The following CNTNAP4 variants were observed in gnomAD, a reference collection of about 807,000 sequenced individuals.
CNTNAP4 encodes the protein contactin associated protein family member 4.
Under a neutral mutation model 148.4 loss-of-function variants are expected in CNTNAP4, and 98 were observed. That is an observed-to-expected ratio of 0.66 (90% CI 0.56 to 0.78). CNTNAP4 has a LOEUF of 0.78. CNTNAP4 is among the 30% of genes least tolerant of loss of function. CNTNAP4 has a pLI of 0.00. For missense variants in CNTNAP4, 1,935 were observed against 1,565.6 expected, an observed-to-expected ratio of 1.24 and a Z score of -3.98; for synonymous variants, 730 against 565.1, an observed-to-expected ratio of 1.29 and a Z score of -4.14.
chr16:76,333,290 G>A (rs1368640568), intron 2 of CNTNAP4, among the ~76,000 whole-genome samples: 1 of 152,036 alleles, frequency 6.6e-6, no homozygotes, highest in South Asian at 2.1e-4. Flanking sequence ...TATGTACTAC[G>A]CTTTCTGTTT....
At chr16:76,315,047 C>G (rs553008769) in intron 1 of CNTNAP4, among the ~76,000 whole-genome samples, 2 of 151,928 alleles carry the variant, frequency 1.3e-5, no homozygotes, top group African/African-American at 4.8e-5. Context: ...TCAAAAATGT[C>G]GCTTCTAAGA....
intron 17 of CNTNAP4, among the ~76,000 whole-genome samples, chr16:76,531,317 G>A (rs554545671): frequency 4.6e-5 from 7 of 152,222 alleles, no homozygotes; most frequent in South Asian, 2.1e-4. Context: ...TGACAATAAC[G>A]TCTGTCGCTT....
At chr16:76,404,395 TTGG>T (rs1400905672) in intron 3 of CNTNAP4, among the ~76,000 whole-genome samples, 7 of 151,298 alleles carry the variant, frequency 4.6e-5, no homozygotes, top group African/African-American at 1.7e-4. Context: ...CTACTCTAGT[TTGG>T]TGACCTCTTA....
Position 76,553,427 on chromosome 16 carries a change from A to G in CNTNAP4, c.3587A>G (p.His1196Arg). 6.2e-7 allele frequency: 1 copy of G among 1,612,730 alleles called. No homozygotes were observed. The highest frequency in any genetic ancestry group is 8.5e-7 in the Non-Finnish European group (1 of 1,179,332). Residue 1196 changes from histidine (H) to arginine (R), a missense_variant, in exon 22 of 24, where the codon CAC becomes CGC. By Grantham distance (29) the His-to-Arg change is conservative. Coordinates refer to ENST00000611870, the MANE Select transcript of CNTNAP4 (RefSeq NM_033401.5). ...SHPDPVTVTG[H>R]VTESSCMAQP... ...CCAGACCCTGTCACTGTTACAGGACACGTGACTGAGTCCAGCTGTATGGCC... is the reference window on the plus strand; with the variant it reads ...CCAGACCCTGTCACTGTTACAGGACGCGTGACTGAGTCCAGCTGTATGGCC...
At chr16:76,453,673 G>GA (rs1486349324) in intron 8 of CNTNAP4, among the ~76,000 whole-genome samples, 3 of 151,798 alleles carry the variant, frequency 2.0e-5, no homozygotes, top group East Asian at 3.9e-4. Flanking sequence ...TTGGAGAGGA[G>GA]AAAAAAATGA....
At chr16:76,302,533 ATC>A (rs1304627814) in intron 1 of CNTNAP4, among the ~76,000 whole-genome samples, 2 of 152,062 alleles carry the variant, frequency 1.3e-5, no homozygotes, top group Non-Finnish European at 2.9e-5. Context: ...CATGCTTCTT[ATC>A]TCTTTCACTT....
At position 76,470,482 on chromosome 16, in the gene CNTNAP4, A is replaced by AATATATATATAT. The variant is rs67354977; in HGVS notation, c.1655+2963_1655+2974dup. The stretch of plus-strand genomic sequence containing the variant: ...ATAGCAAAACCACGTCTCTACTAAT[A>AATATATATATAT]ATATATATATATATAAAATTAGTCG... On this transcript the variant is annotated intron_variant, in intron 10 of 23. Transcript: ENST00000611870. 4.5e-4 allele frequency among the ~76,000 whole-genome samples: 44 copies of AATATATATATAT among 96,944 alleles called. 4 individuals are homozygous for AATATATATATAT. The highest frequency in any genetic ancestry group is 1.8e-3 in the African/African-American group (37 of 21,112). The allele number at this position is 96,944 out of a possible 152,430, so 63.6% of individuals were successfully genotyped here.
At chr16:76,513,420 A>G (rs1485004144) in intron 15 of CNTNAP4, among the ~76,000 whole-genome samples, 1 of 152,180 alleles carries the variant, frequency 6.6e-6, no homozygotes, top group East Asian at 1.9e-4. Context: ...TTGGCATCAT[A>G]TTACAGCACG....
At chr16:76,334,928 C>G (rs1312972850) in intron 2 of CNTNAP4, among the ~76,000 whole-genome samples, 1 of 151,948 alleles carries the variant, frequency 6.6e-6, no homozygotes, top group Non-Finnish European at 1.5e-5. Flanking sequence ...GCCATCAAGG[C>G]TAACCAGATG....
At chr16:76,518,221 A>G (rs1360564378) in intron 15 of CNTNAP4, among the ~76,000 whole-genome samples, 1 of 152,092 alleles carries the variant, frequency 6.6e-6, no homozygotes, top group African/African-American at 2.4e-5. Context: ...TCAGCCTCCC[A>G]GGCTCAAGTG....
chr16:76,477,040 A>C (rs2081611456), intron 11 of CNTNAP4, among the ~76,000 whole-genome samples: 1 of 152,092 alleles, frequency 6.6e-6, no homozygotes, highest in South Asian at 2.1e-4. Context: ...TCTGATGCTC[A>C]CCCTAGTAGG....
chr16:76,327,956 G>A (rs1963156817), intron 2 of CNTNAP4, among the ~76,000 whole-genome samples: 1 of 152,134 alleles, frequency 6.6e-6, no homozygotes. Flanking sequence ...CTGTCCTGTG[G>A]GGTCACTTCT....
rs547291607 is a variant in CNTNAP4, at chr16:76,344,187, C to T, written c.197-11131C>T. 2.0e-5 allele frequency among the ~76,000 whole-genome samples: 3 copies of T among 151,538 alleles called. No individual in the cohort carries two copies. The East Asian group carries it at 5.8e-4, about 29-fold the overall frequency. On this transcript the variant is annotated intron_variant, in intron 2 of 23. Coordinates refer to ENST00000611870, the MANE Select transcript of CNTNAP4 (RefSeq NM_033401.5). ...ATGTACACTGGGAACAGTGAAAATA[C>T]ATACATACACACATATATATATATA... is the stretch of plus-strand genomic sequence containing the variant.
intron 2 of CNTNAP4, among the ~76,000 whole-genome samples, chr16:76,332,095 G>A (rs1681625291): frequency 6.6e-6 from 1 of 152,208 alleles, no homozygotes; most frequent in Non-Finnish European, 1.5e-5. Flanking sequence ...CTTTATAGGT[G>A]ACATCTTCTG....
intron 17 of CNTNAP4, among the ~76,000 whole-genome samples, chr16:76,527,045 G>A (rs28456161): frequency 0.075 from 11,477 of 152,072 alleles, 600 homozygotes; most frequent in African/African-American, 0.15. Context: ...AGTGATTAAA[G>A]CTGTTTCCTG....
At chr16:76,322,913 C>G (rs6564319) in intron 2 of CNTNAP4, among the ~76,000 whole-genome samples, 5,870 of 151,942 alleles carry the variant, frequency 0.039, 384 homozygotes, top group African/African-American at 0.14. Flanking sequence ...CAGCTCACTG[C>G]AACCTCTGCC....
chr16:76,489,796 C>A lies in CNTNAP4; in HGVS notation c.1993C>A (p.Gln665Lys). The stretch of plus-strand genomic sequence containing the variant: ...TTTCGAGTATGTGGCCAGCATGGAG[C>A]AACTTCAGGCCACTATTAACCGTGC... Reference protein sequence around the residue: ...GFFEYVASMEQLQATINRAEH... With the variant: ...GFFEYVASMEKLQATINRAEH... The change falls in exon 13 of 24, where the codon CAA (glutamine) becomes AAA (lysine). Residue 665 changes from glutamine (Q) to lysine (K), a missense_variant. Coordinates refer to ENST00000611870, the MANE Select transcript of CNTNAP4 (RefSeq NM_033401.5). 1 of 1,606,386 alleles carries A rather than the reference C, an allele frequency of 6.2e-7. No homozygotes were observed. Among genetic ancestry groups the A allele is most frequent in the Non-Finnish European group, 8.5e-7 (1 of 1,176,114 alleles).
chr16:76,295,705 G>A (rs184614255), intron 1 of CNTNAP4, among the ~76,000 whole-genome samples: 1 of 152,220 alleles, frequency 6.6e-6, no homozygotes, highest in Non-Finnish European at 1.5e-5. Context: ...GGAAGGAGTG[G>A]CCAATTCAAG....
At chr16:76,498,902 C>T (rs939723973) in intron 15 of CNTNAP4, among the ~76,000 whole-genome samples, 1 of 151,788 alleles carries the variant, frequency 6.6e-6, no homozygotes, top group Non-Finnish European at 1.5e-5. Context: ...GGACTGGGGA[C>T]AGGAAAGAAT....
Sources: allele counts gnomAD v4.1 joint callset (sites outside exome capture counted in the v4.1 genomes callset), GRCh38; gene constraint gnomAD v4.1.1; transcripts MANE v1.5; gene names NCBI Gene and HGNC (gene_info 2026-07-23, HGNC 2026-07-21).